PLCB4: variants seen among roughly 807,000 people sequenced by gnomAD.
PLCB4 encodes 1-phosphatidylinositol 4,5-bisphosphate phosphodiesterase beta-4.
Under a neutral mutation model 178.8 loss-of-function variants are expected in PLCB4, and 77 were observed. The observed-to-expected ratio is 0.43, with a 90% CI of 0.36 to 0.52. The LOEUF (loss-of-function observed/expected upper bound fraction) is 0.52. Ranked by LOEUF, PLCB4 falls within the 20% of genes least tolerant of loss-of-function variation. The probability of loss-of-function intolerance (pLI) is 0.00; values close to 1 mark genes in which losing one functional copy is unlikely to be tolerated. For missense variants in PLCB4, 1,024 were observed against 1,453.4 expected, an observed-to-expected ratio of 0.70 and a Z score of 4.80; for synonymous variants, 496 against 490.8, an observed-to-expected ratio of 1.01 and a Z score of -0.14.
At chr20:9,398,947 C>T (rs1051285341) in intron 19 of PLCB4, among the ~76,000 whole-genome samples, 8 of 152,176 alleles carry the variant, frequency 5.3e-5, no homozygotes, top group African/African-American at 1.7e-4. Context: ...CGTTACAGTA[C>T]TGCCCTTTCA....
At chr20:9,428,351 C>T (rs1182159812) in intron 28 of PLCB4, among the ~76,000 whole-genome samples, 4 of 152,080 alleles carry the variant, frequency 2.6e-5, no homozygotes, top group Admixed American at 6.6e-5. Context: ...AGAAGAAAAG[C>T]TCTGGAGGGG....
chr20:9,420,391 G>A (rs759214423), intron 26 of PLCB4, among the ~76,000 whole-genome samples: 2 of 151,912 alleles, frequency 1.3e-5, no homozygotes, highest in Non-Finnish European at 2.9e-5. Flanking sequence ...AGGCAGGAGT[G>A]CAGTGGCACA....
At chr20:9,356,610 T>G (rs2148195411) in intron 7 of PLCB4, among the ~76,000 whole-genome samples, 1 of 152,330 alleles carries the variant, frequency 6.6e-6, no homozygotes, top group South Asian at 2.1e-4. Flanking sequence ...CTTCATAGTT[T>G]GCTCCAAGTG....
At chr20:9,206,449 T>G (rs964680223) in intron 2 of PLCB4, among the ~76,000 whole-genome samples, 3 of 152,100 alleles carry the variant, frequency 2.0e-5, no homozygotes, top group Non-Finnish European at 4.4e-5. Flanking sequence ...TGAGACTAAT[T>G]AAATGGCTCA....
chr20:9,221,403 T>C (rs1357297349), intron 3 of PLCB4, among the ~76,000 whole-genome samples: 1 of 152,094 alleles, frequency 6.6e-6, no homozygotes, highest in Non-Finnish European at 1.5e-5. Flanking sequence ...GAAATGTTGG[T>C]ACCATCCCTT....
chr20:9,337,254 C>T, intron 5 of PLCB4, 48 bp downstream of exon 5: 1 of 1,364,586 alleles, frequency 7.3e-7, no homozygotes, highest in Non-Finnish European at 1.0e-6. Context: ...GTGGTTTAAG[C>T]CATTTTGTTT....
chr20:9,131,686 A>C (rs16995573), intron 2 of PLCB4, among the ~76,000 whole-genome samples: 2 of 152,212 alleles, frequency 1.3e-5, no homozygotes, highest in Non-Finnish European at 1.5e-5. Context: ...TGTTCCAACC[A>C]TGGTAGACTG....
chr20:9,300,281 G>T (rs146972225), intron 3 of PLCB4, among the ~76,000 whole-genome samples: 1 of 152,142 alleles, frequency 6.6e-6, no homozygotes, highest in Non-Finnish European at 1.5e-5. Context: ...TAAGGTCATG[G>T]GTTATTTGGT....
intron 3 of PLCB4, among the ~76,000 whole-genome samples, chr20:9,259,372 T>A (rs2094273353): frequency 6.6e-6 from 1 of 152,116 alleles, no homozygotes; most frequent in East Asian, 1.9e-4. Flanking sequence ...GTACAGAACA[T>A]GATATCACCT....
At chr20:9,419,450 G>T (rs1209352652) in intron 25 of PLCB4, among the ~76,000 whole-genome samples, 1 of 152,004 alleles carries the variant, frequency 6.6e-6, no homozygotes, top group Non-Finnish European at 1.5e-5. Flanking sequence ...TTAATACAGA[G>T]GTAGAATATC....
intron 3 of PLCB4, among the ~76,000 whole-genome samples, chr20:9,220,244 T>C (rs769254275): frequency 6.6e-6 from 1 of 152,248 alleles, no homozygotes; most frequent in Admixed American, 6.5e-5. Flanking sequence ...CCTTGATAAC[T>C]TCTCTCCTGT....
Position 9,460,954 on chromosome 20 carries a change from T to G in PLCB4, c.3248+1144T>G, listed in dbSNP as rs139598156. On this transcript the variant is annotated intron_variant, in intron 35 of 39. Coordinates refer to ENST00000378473, the MANE Select transcript of PLCB4 (RefSeq NM_001377142.1). ...CATTTTAAAGCATTCTATTTCGTCCTATAGGATTAGAAGTTGTCTTTTCTT... is the reference window on the plus strand; with the variant it reads ...CATTTTAAAGCATTCTATTTCGTCCGATAGGATTAGAAGTTGTCTTTTCTT... Among the ~76,000 whole-genome samples the G allele has an allele frequency of 1.7e-3, 264 of 152,340 alleles. 2 individuals carry two copies. The South Asian group carries it at 0.023, about 13-fold the overall frequency.
intron 2 of PLCB4, among the ~76,000 whole-genome samples, chr20:9,196,111 C>A (rs570015922): frequency 5.3e-5 from 8 of 152,288 alleles, no homozygotes; most frequent in African/African-American, 1.9e-4. Context: ...AGAAGAATTT[C>A]AGGTACTGTA....
chr20:9,320,238 G>A (rs2094944794), intron 4 of PLCB4, among the ~76,000 whole-genome samples: 1 of 152,156 alleles, frequency 6.6e-6, no homozygotes, highest in Admixed American at 6.6e-5. Context: ...CTGGAACTGA[G>A]GGTTCCTCCC....
intron 32 of PLCB4, among the ~76,000 whole-genome samples, chr20:9,450,477 C>T (rs539897153): frequency 6.6e-6 from 1 of 152,198 alleles, no homozygotes; most frequent in South Asian, 2.1e-4. Flanking sequence ...AAAAGAGAAA[C>T]AGAGACAATT....
chr20:9,341,015 A>G (rs1232436163), intron 7 of PLCB4, among the ~76,000 whole-genome samples: 2 of 152,120 alleles, frequency 1.3e-5, no homozygotes, highest in East Asian at 1.9e-4. Flanking sequence ...AGGTAAAGGA[A>G]CTCTGAGACC....
chr20:9,374,733 T>A (rs972360146), intron 12 of PLCB4, among the ~76,000 whole-genome samples: 1 of 152,190 alleles, frequency 6.6e-6, no homozygotes, highest in East Asian at 1.9e-4. Flanking sequence ...GGCTCTTATC[T>A]AATGCATTTC....
At chr20:9,109,469 C>T in intron 2 of PLCB4, among the ~76,000 whole-genome samples, 1 of 144,048 alleles carries the variant, frequency 6.9e-6, no homozygotes, top group Non-Finnish European at 1.5e-5. Context: ...AAAATGATTG[C>T]TTTTTTTTTT....
chr20:9,121,777 T>C (rs1256916492), intron 2 of PLCB4, among the ~76,000 whole-genome samples: 1 of 152,190 alleles, frequency 6.6e-6, no homozygotes, highest in Non-Finnish European at 1.5e-5. Context: ...TGCAATGCAA[T>C]GCTTGCAATT....
Sources: allele counts gnomAD v4.1 joint callset (sites outside exome capture counted in the v4.1 genomes callset), GRCh38; gene constraint gnomAD v4.1.1; transcripts MANE v1.5; gene names NCBI Gene and HGNC (gene_info 2026-07-23, HGNC 2026-07-21).